Variants in CDK20 observed in about 807,000 individuals in gnomAD.
CDK20 encodes cyclin-dependent kinase 20.
A neutral mutation model predicts 38.6 loss-of-function variants in CDK20; 40 were observed. That is an observed-to-expected ratio of 1.04 (90% CI 0.81 to 1.35). The LOEUF (loss-of-function observed/expected upper bound fraction) is 1.35, where lower values mean the gene tolerates loss of function less well. CDK20 is among the 40% of genes most tolerant of loss of function. The pLI is 0.00. For missense variants in CDK20, 512 were observed against 452.6 expected (o/e 1.13, Z -1.19); for synonymous variants, 209 against 185.7 (o/e 1.13, Z -1.02).
rs1423485656 is a variant in CDK20, at chr9:87,966,705, AG to A, written c.*756del. On this transcript the variant is annotated 3_prime_UTR_variant, in exon 8 of 8. Coordinates refer to ENST00000325303, the MANE Select transcript of CDK20 (RefSeq NM_001039803.3). The stretch of plus-strand genomic sequence containing the variant: ...CTGCTTCTGGCTCACGCTCATCCTG[AG>A]GGAGTAGATGTTGGTAAACCAGCCT... The A allele has an allele frequency of 4.1e-6, 1 of 242,386 alleles. No individual in the cohort carries two copies. The highest frequency in any genetic ancestry group is 8.2e-6 in the Non-Finnish European group (1 of 121,474). 15.0% of individuals were successfully genotyped at this position (242,386 alleles called of 1,614,324 possible). A position where few individuals can be genotyped will look rare whatever the true frequency, so the allele number is the denominator to read the frequency against.
chr9:87,967,100 C>T lies in CDK20; in HGVS notation c.*362G>A, dbSNP rs764049842. 6 of 559,552 alleles carry T rather than the reference C, an allele frequency of 1.1e-5. No homozygotes were observed. Among genetic ancestry groups the T allele is most frequent in the Non-Finnish European group, 1.0e-5 (3 of 286,988 alleles). 34.7% of individuals were successfully genotyped at this position (559,552 alleles called of 1,614,324 possible). Reference sequence around the variant, plus strand: ...AGGACACCTTACTCTCTGCACTTCTCCTTGACCAGGAGGCAGCACTCGGGG... The same window carrying T: ...AGGACACCTTACTCTCTGCACTTCTTCTTGACCAGGAGGCAGCACTCGGGG... On this transcript the variant is annotated 3_prime_UTR_variant, in exon 8 of 8. Coordinates refer to ENST00000325303, the MANE Select transcript of CDK20 (RefSeq NM_001039803.3).
intron 2 of CDK20, among the ~76,000 whole-genome samples, chr9:87,972,646 A>G (rs1829943119): frequency 6.6e-6 from 1 of 152,176 alleles, no homozygotes; most frequent in Non-Finnish European, 1.5e-5. Context: ...GACTGTGGCT[A>G]TGGAGAGCAG....
At chr9:87,973,533 C>T (rs1284618526) in intron 2 of CDK20, among the ~76,000 whole-genome samples, 3 of 152,168 alleles carry the variant, frequency 2.0e-5, no homozygotes, top group African/African-American at 7.2e-5. Context: ...GATCTGGAAA[C>T]CTGCCTTGTA....
At position 87,969,279 on chromosome 9, in the gene CDK20, A is replaced by G; in HGVS notation, c.758T>C (p.Val253Ala). The G allele has an allele frequency of 1.9e-6, 3 of 1,613,794 alleles. No homozygotes were observed. Among genetic ancestry groups the G allele is most frequent in the Non-Finnish European group, 2.5e-6 (3 of 1,179,886 alleles). The change falls in exon 7 of 8, where the codon GTG becomes GCG. Residue 253 changes from valine (V) to alanine (A), a missense_variant. Val to Ala is a moderately conservative substitution (Grantham distance 64). Coordinates refer to ENST00000325303, the MANE Select transcript of CDK20 (RefSeq NM_001039803.3). ...TGCCTGGGGAGAGACGTCAGGCAGC[A>G]CCTCCTCCAGGGGCATGGGCACCTG... ...KEQVPMPLEEVLPDVSPQALD... is the reference protein window; with the variant it reads ...KEQVPMPLEEALPDVSPQALD...
chr9:87,974,429 G>A lies in CDK20; in HGVS notation c.18C>T (p.Ile6=). 1 of 1,612,712 alleles carries A rather than the reference G, an allele frequency of 6.2e-7. No individual in the cohort carries two copies. The highest frequency in any genetic ancestry group is 8.5e-7 in the Non-Finnish European group (1 of 1,179,928). Residue 6 remains isoleucine, a synonymous_variant, in exon 1 of 8, where the codon ATC becomes ATT. Transcript: ENST00000325303. MDQYC[I]LGRIGEGAHG... ...GGGCGCCCTCCCCGATGCGGCCCAG[G>A]ATGCAGTACTGGTCCATCCCGCTGC...
At chr9:87,968,046 TAAGC>T (rs1587614063) in intron 7 of CDK20, 3 of 170,770 alleles carry the variant, frequency 1.8e-5, no homozygotes, top group South Asian at 1.6e-4. Flanking sequence ...ACTTGAGACA[TAAGC>T]AAGTGGGACA....
chr9:87,968,455 G>A (rs796564224), intron 7 of CDK20: 5 of 152,608 alleles, frequency 3.3e-5, no homozygotes, highest in African/African-American at 9.6e-5. Context: ...CTGAGTGCAG[G>A]GAGGGGACAG....
At position 87,967,558 on chromosome 9, in the gene CDK20, T is replaced by C. The variant is rs1306945634; in HGVS notation, c.945A>G (p.Pro315=). 2 of 1,551,792 alleles carry C rather than the reference T, an allele frequency of 1.3e-6. No homozygotes were observed. The highest frequency in any genetic ancestry group is 2.7e-5 in the African/African-American group (2 of 73,108). ...GGAAGTCATGGATGTGGGGGGGCCC[T>C]GGATGGGCCTTGGGGGCAGGTCCCC... is the stretch of plus-strand genomic sequence containing the variant. ...RLGGPAPKAH[P]GPPHIHDFHV... is the part of the protein sequence containing the mutation. Residue 315 remains proline (P), a synonymous_variant, in exon 8 of 8, where the codon CCA becomes CCG. Coordinates refer to ENST00000325303, the MANE Select transcript of CDK20 (RefSeq NM_001039803.3).
intron 6 of CDK20, chr9:87,969,551 G>T: frequency 1.3e-6 from 1 of 771,278 alleles, no homozygotes; most frequent in Non-Finnish European, 2.1e-6. Context: ...TGACGACTCT[G>T]TGCACAGCTT....
At position 87,969,821 on chromosome 9, in the gene CDK20, C is replaced by T. The variant is rs1331145578; in HGVS notation, c.662G>A (p.Gly221Asp). The change falls in exon 6 of 8, where the codon GGC (glycine) becomes GAC (aspartate). Residue 221 changes from glycine (G) to aspartate (D), a missense_variant. Gly to Asp is a moderately conservative substitution (Grantham distance 94). Coordinates refer to ENST00000325303, the MANE Select transcript of CDK20 (RefSeq NM_001039803.3). ...CGGCCAGACTTGAGGGTTTGGGGTG[C>T]CCAAGATGCGAAGCACATAGCAAAG... is the stretch of plus-strand genomic sequence containing the variant. ...EQLCYVLRIL[G>D]TPNPQVWPEL... is the part of the protein sequence containing the mutation. 3 of 1,613,682 alleles carry T rather than the reference C, an allele frequency of 1.9e-6. No individual in the cohort carries two copies. Among genetic ancestry groups the T allele is most frequent in the Non-Finnish European group, 2.5e-6 (3 of 1,179,792 alleles).
Position 87,969,804 on chromosome 9 carries a change from C to T in CDK20, c.679G>A (p.Val227Ile), listed in dbSNP as rs893580258. ...LRILGTPNPQ[V>I]WPELTELPDY... ...CAAGGGCCCCTACAAACCGGCCAGA[C>T]TTGAGGGTTTGGGGTGCCCAAGATG... Residue 227 changes from valine to isoleucine, a missense_variant, in exon 6 of 8, where the codon GTC becomes ATC. Coordinates refer to ENST00000325303, the MANE Select transcript of CDK20 (RefSeq NM_001039803.3). 2.5e-6 allele frequency: 4 copies of T among 1,613,736 alleles called. No individual in the cohort carries two copies. Among genetic ancestry groups the T allele is most frequent in the African/African-American group, 1.3e-5 (1 of 74,900 alleles).
intron 2 of CDK20, among the ~76,000 whole-genome samples, chr9:87,973,639 G>C (rs1179093649): frequency 6.6e-6 from 1 of 152,002 alleles, no homozygotes; most frequent in African/African-American, 2.4e-5. Context: ...ATCACTACAT[G>C]TTTTGAGAAA....
At chr9:87,970,365 C>T (rs2118233977) in intron 5 of CDK20, 1 of 564,932 alleles carries the variant, frequency 1.8e-6, no homozygotes, top group African/African-American at 1.9e-5. Context: ...CCATTCTCAT[C>T]CCACCTGGCC....
At chr9:87,969,627 A>C (rs1211665853) in intron 6 of CDK20, 169 bp downstream of exon 6, 1 of 1,101,168 alleles carries the variant, frequency 9.1e-7, no homozygotes, top group Non-Finnish European at 1.3e-6. Context: ...ACCCCAACCC[A>C]AATGACAGCA....
Position 87,967,493 on chromosome 9 carries a change from T to C in CDK20, c.1010A>G (p.Glu337Gly). ...RPLEESLLNP[E>G]LIRPFILEG ...CTCCAGGATGAAGGGCCGAATCAGC[T>C]CTGGGTTCAACAGCGACTCCTCAAG... The change falls in exon 8 of 8, where the codon GAG becomes GGG. Residue 337 changes from glutamate (E) to glycine (G), a missense_variant. Transcript: ENST00000325303. 1 of 1,555,984 alleles carries C rather than the reference T, an allele frequency of 6.4e-7. No individual in the cohort carries two copies. Among genetic ancestry groups the C allele is most frequent in the Non-Finnish European group, 8.7e-7 (1 of 1,149,696 alleles).
Position 87,971,184 on chromosome 9 carries a change from C to T in CDK20, c.341G>A (p.Gly114Asp), listed in dbSNP as rs1194562233. Residue 114 changes from glycine (G) to aspartate (D), a missense_variant, in exon 3 of 8, where the codon GGT becomes GAT. Gly to Asp is a moderately conservative substitution (Grantham distance 94). Transcript: ENST00000325303. ...GTTGTTGGCATGGCAGAAGGCGACA[C>T]CCTTGAGCAGCATCTGCAGGTAGCT... ...VKSYLQMLLK[G>D]VAFCHANNIV... is the part of the protein sequence containing the mutation. The T allele has an allele frequency of 2.5e-6, 4 of 1,614,110 alleles. No homozygotes were observed. The highest frequency in any genetic ancestry group is 3.3e-5 in the Admixed American group (2 of 60,010).
chr9:87,968,434 C>CG (rs1246653985), intron 7 of CDK20: 1 of 152,470 alleles, frequency 6.6e-6, no homozygotes, highest in Non-Finnish European at 1.5e-5. Flanking sequence ...TGTAAACACA[C>CG]GCGGCTGGTG....
At chr9:87,971,414 CCT>C in intron 2 of CDK20, 79 bp from the exon 3 acceptor site, 3 of 1,328,262 alleles carry the variant, frequency 2.3e-6, no homozygotes, top group Non-Finnish European at 3.1e-6. Context: ...CAGCCCATGC[CCT>C]GACAGAGGAC....
chr9:87,968,480 C>G (rs1049375208), intron 7 of CDK20: 1 of 152,422 alleles, frequency 6.6e-6, no homozygotes, highest in African/African-American at 2.4e-5. Flanking sequence ...CCCTGAGAGA[C>G]ACCCTGACAC....
Sources: allele counts gnomAD v4.1 joint callset (sites outside exome capture counted in the v4.1 genomes callset), GRCh38; gene constraint gnomAD v4.1.1; transcripts MANE v1.5; gene names NCBI Gene and HGNC (gene_info 2026-07-23, HGNC 2026-07-21).